The following PCDH15 variants were observed in gnomAD, a reference collection of about 807,000 sequenced individuals.
The protein encoded by PCDH15 is protocadherin-15.
In PCDH15, 129 loss-of-function variants were observed where a neutral mutation model predicts 178.5. That is an observed-to-expected ratio of 0.72 (90% CI 0.63 to 0.84). The LOEUF (loss-of-function observed/expected upper bound fraction) is 0.84, where lower values mean the gene tolerates loss of function less well. Ranked by LOEUF, PCDH15 falls within the 40% of genes least tolerant of loss-of-function variation. The probability of loss-of-function intolerance (pLI) is 0.00; values close to 1 mark genes in which losing one functional copy is unlikely to be tolerated. For synonymous variants in PCDH15, 800 were observed against 732.0 expected, an observed-to-expected ratio of 1.09 and a Z score of -1.50; for missense variants, 2,230 against 2,099.9, an observed-to-expected ratio of 1.06 and a Z score of -1.21.
At chr10:55,297,739 C>T (rs1184866535) in intron 1 of PCDH15, among the ~76,000 whole-genome samples, 2 of 151,996 alleles carry the variant, frequency 1.3e-5, no homozygotes, top group East Asian at 3.9e-4. Context: ...GCCTATCTGA[C>T]CTCTAGGACC....
intron 2 of PCDH15, among the ~76,000 whole-genome samples, chr10:54,614,666 T>C (rs2093072516): frequency 6.6e-6 from 1 of 151,966 alleles, no homozygotes; most frequent in African/African-American, 2.4e-5. Flanking sequence ...CTGGTCAGGG[T>C]GCTATTGTCA....
chr10:55,164,055 G>C (rs1839132847), intron 2 of PCDH15, among the ~76,000 whole-genome samples: 2 of 152,084 alleles, frequency 1.3e-5, no homozygotes, highest in Non-Finnish European at 2.9e-5. Flanking sequence ...CATAACCCCA[G>C]ACCAGAGGCC....
At chr10:55,078,346 C>T (rs563173225) in intron 2 of PCDH15, among the ~76,000 whole-genome samples, 61 of 152,200 alleles carry the variant, frequency 4.0e-4, no homozygotes, top group Non-Finnish European at 7.9e-4. Flanking sequence ...CCTCCTGTAT[C>T]TGGATGTCTA....
At chr10:54,144,911 C>A (rs36109570) in intron 14 of PCDH15, among the ~76,000 whole-genome samples, 27,462 of 152,022 alleles carry the variant, frequency 0.18, 2,747 homozygotes, top group Admixed American at 0.21. Context: ...TTTCTCCCTA[C>A]GTCCTACAAG....
rs1191634628 is a variant in PCDH15 at position 55,075,483 on chromosome 10, A to C, written c.-80+91093T>G. On this transcript the variant is annotated intron_variant, in intron 2 of 5. Transcript: ENST00000458638. ...CGGGTTCAAGCGATTCCCCAGCCTC[A>C]GCTTCCCAAATAGCTGGGATTACAG... 4.0e-5 allele frequency among the ~76,000 whole-genome samples: 6 copies of C among 150,576 alleles called. No individual in the cohort carries two copies. The East Asian group carries it at 9.9e-4, about 25-fold the overall frequency.
intron 2 of PCDH15, among the ~76,000 whole-genome samples, chr10:55,007,355 T>C (rs932431669): frequency 1.3e-5 from 2 of 150,910 alleles, no homozygotes; most frequent in Non-Finnish European, 2.9e-5. Flanking sequence ...GAAAACATAC[T>C]TTCAGAAAAT....
intron 2 of PCDH15, among the ~76,000 whole-genome samples, chr10:55,530,569 T>C (rs1841428418): frequency 6.6e-6 from 1 of 152,022 alleles, no homozygotes; most frequent in South Asian, 2.1e-4. Flanking sequence ...CTTTTTTACA[T>C]TGTTATAATG....
chr10:54,971,750 A>C (rs949437898), intron 2 of PCDH15, among the ~76,000 whole-genome samples: 3 of 152,250 alleles, frequency 2.0e-5, no homozygotes, highest in Non-Finnish European at 2.9e-5. Context: ...GTAAACACTT[A>C]ATAAATAATT....
chr10:55,499,574 A>AT (rs1210695896), intron 2 of PCDH15, among the ~76,000 whole-genome samples: 1 of 151,574 alleles, frequency 6.6e-6, no homozygotes, highest in East Asian at 1.9e-4. Flanking sequence ...TTCTTATACA[A>AT]TTTTTTTAAT....
chr10:54,259,996 C>T (rs535810998), intron 8 of PCDH15, among the ~76,000 whole-genome samples: 3 of 152,180 alleles, frequency 2.0e-5, no homozygotes, highest in Admixed American at 6.5e-5. Context: ...AGGAGCACAG[C>T]CGCTAAATTT....
intron 11 of PCDH15, among the ~76,000 whole-genome samples, chr10:54,187,243 T>A (rs1271121155): frequency 6.6e-6 from 1 of 151,980 alleles, no homozygotes; most frequent in African/African-American, 2.4e-5. Context: ...TATACCTTAA[T>A]TCTCTCAATT....
At chr10:54,956,370 G>A (rs1838487357) in intron 2 of PCDH15, among the ~76,000 whole-genome samples, 1 of 151,384 alleles carries the variant, frequency 6.6e-6, no homozygotes. Context: ...CTCCATGAGT[G>A]GCAGATTCAT....
chr10:55,237,919 T>A (rs1003599137), intron 1 of PCDH15, among the ~76,000 whole-genome samples: 1 of 151,950 alleles, frequency 6.6e-6, no homozygotes, highest in African/African-American at 2.4e-5. Context: ...ATCTTTTTTC[T>A]TGATGAAAAT....
chr10:53,842,489 C>T (rs1216720107), intron 28 of PCDH15, among the ~76,000 whole-genome samples: 1 of 152,002 alleles, frequency 6.6e-6, no homozygotes, highest in Admixed American at 6.6e-5. Context: ...TCAAGTGATC[C>T]GCCCGCCTCG....
intron 2 of PCDH15, among the ~76,000 whole-genome samples, chr10:54,573,043 T>C (rs946572703): frequency 6.6e-6 from 1 of 152,146 alleles, no homozygotes; most frequent in Admixed American, 6.6e-5. Flanking sequence ...TATATCAATA[T>C]TTTATTTCTT....
At chr10:55,247,104 C>CTTCTGTG (rs1176390184) in intron 1 of PCDH15, among the ~76,000 whole-genome samples, 1 of 152,106 alleles carries the variant, frequency 6.6e-6, no homozygotes, top group Non-Finnish European at 1.5e-5. Context: ...CTATTTTTAT[C>CTTCTGTG]TTCTGTGTTT....
intron 2 of PCDH15, among the ~76,000 whole-genome samples, chr10:55,157,180 T>C (rs10825477): frequency 6.6e-6 from 1 of 151,772 alleles, no homozygotes; most frequent in Non-Finnish European, 1.5e-5. Context: ...AAGACATTTA[T>C]GCATCCAACA....
At chr10:53,985,027 C>T (rs1479135089) in intron 21 of PCDH15, among the ~76,000 whole-genome samples, 1 of 152,148 alleles carries the variant, frequency 6.6e-6, no homozygotes, top group Admixed American at 6.5e-5. Context: ...GTTAGCCATG[C>T]GTCCCTGCAG....
intron 15 of PCDH15, among the ~76,000 whole-genome samples, chr10:54,128,519 T>C (rs947454958): frequency 3.3e-5 from 5 of 152,208 alleles, no homozygotes; most frequent in African/African-American, 1.2e-4. Flanking sequence ...AATGGTGATC[T>C]TCCCTGTTTT....
Sources: allele counts gnomAD v4.1 joint callset (sites outside exome capture counted in the v4.1 genomes callset), GRCh38; gene constraint gnomAD v4.1.1; transcripts MANE v1.5; gene names NCBI Gene and HGNC (gene_info 2026-07-23, HGNC 2026-07-21).